PIP4K2B: variants seen among roughly 807,000 people sequenced by gnomAD.
The protein encoded by PIP4K2B is phosphatidylinositol-5-phosphate 4-kinase type 2 beta, also known as phosphatidylinositol 5-phosphate 4-kinase type-2 beta.
PIP4K2B carries 3 observed loss-of-function variants against 42.0 expected under a neutral mutation model. That is an observed-to-expected ratio of 0.07 (90% CI 0.03 to 0.18). PIP4K2B has a LOEUF of 0.18. Among genes scored for constraint, PIP4K2B ranks in the 10% least tolerant of loss-of-function variants. The pLI is 1.00. For missense variants in PIP4K2B, 332 were observed against 562.3 expected, an observed-to-expected ratio of 0.59 and a Z score of 4.14; for synonymous variants, 204 against 210.1, an observed-to-expected ratio of 0.97 and a Z score of 0.25.
chr17:38,788,181 T>A (rs745599082), intron 1 of PIP4K2B, among the ~76,000 whole-genome samples: 2 of 35,022 alleles, frequency 5.7e-5, no homozygotes, highest in East Asian at 3.6e-4. Context: ...AGATTAAATT[T>A]ATTTATTTAT....
chr17:38,776,459 T>C (rs924958335), intron 7 of PIP4K2B: 1 of 297,540 alleles, frequency 3.4e-6, no homozygotes, highest in Non-Finnish European at 6.7e-6. Context: ...TGAATATACT[T>C]AATGCCACTC....
chr17:38,797,836 G>C (rs1390505585), intron 1 of PIP4K2B, among the ~76,000 whole-genome samples: 1 of 152,178 alleles, frequency 6.6e-6, no homozygotes, highest in African/African-American at 2.4e-5. Flanking sequence ...ACAGCAGGAA[G>C]ACCGAGTAAC....
At chr17:38,783,054 G>A (rs1909795988) in intron 3 of PIP4K2B, among the ~76,000 whole-genome samples, 1 of 151,812 alleles carries the variant, frequency 6.6e-6, no homozygotes, top group Non-Finnish European at 1.5e-5. Context: ...AATTAGCCGG[G>A]TGTGGTGGTG....
At position 38,767,836 on chromosome 17, in the gene PIP4K2B, T is replaced by C. The variant is rs186145851; in HGVS notation, c.*1855A>G. 4.6e-5 allele frequency: 7 copies of C among 152,354 alleles called. No individual in the cohort carries two copies. In the East Asian group the frequency reaches 5.8e-4, roughly 13 times the overall value. 9.4% of individuals were successfully genotyped at this position (152,354 alleles called of 1,614,324 possible). On this transcript the variant is annotated 3_prime_UTR_variant, in exon 10 of 10. Coordinates refer to ENST00000619039, the MANE Select transcript of PIP4K2B (RefSeq NM_003559.5). ...CAAATTTGTTTTCTCCATGAGCCAG[T>C]TGGTTTCAAGTTCCCTAAGTCATGT...
Position 38,769,711 on chromosome 17 carries a change from T to C in PIP4K2B, c.1231A>G (p.Met411Val). The part of the protein sequence containing the change: ...EQYSKRFNEF[M>V]SNILT ...GAGAACTACGTCAGGATGTTGGACA[T>C]AAACTCGTTGAAGCGTTTGGAGTAC... The change falls in exon 10 of 10, where the codon ATG becomes GTG. Residue 411 changes from methionine (M) to valine (V), a missense_variant. Met to Val is a conservative substitution (Grantham distance 21). This residue lies in a region of PIP4K2B where 26 missense variants were observed against 76.4 expected (regional missense o/e 0.34). Coordinates refer to ENST00000619039, the MANE Select transcript of PIP4K2B (RefSeq NM_003559.5). 1 of 1,598,814 alleles carries C rather than the reference T, an allele frequency of 6.3e-7. No homozygotes were observed. The highest frequency in any genetic ancestry group is 8.6e-7 in the Non-Finnish European group (1 of 1,166,058).
chr17:38,783,237 A>G (rs1567658440), intron 3 of PIP4K2B, among the ~76,000 whole-genome samples: 1 of 150,698 alleles, frequency 6.6e-6, no homozygotes, highest in Admixed American at 6.6e-5. Context: ...TATTTCTTAC[A>G]GCTGTAAAGG....
chr17:38,777,708 C>G lies in PIP4K2B; in HGVS notation c.786G>C (p.Glu262Asp), dbSNP rs781068818. The change falls in exon 7 of 10, where the codon GAG (glutamate) becomes GAC (aspartate). Residue 262 changes from glutamate to aspartate, a missense_variant. Coordinates refer to ENST00000619039, the MANE Select transcript of PIP4K2B (RefSeq NM_003559.5). ...VGEESKKNFLEKLKRDVEFLA... is the reference protein window; with the variant it reads ...VGEESKKNFLDKLKRDVEFLA... ...GTACCTCAACGTCCCGCTTCAGTTT[C>G]TCCAGGAAGTTCTTTTTACTCTCCT... The G allele has an allele frequency of 6.2e-7, 1 of 1,613,174 alleles. No homozygotes were observed. The highest frequency in any genetic ancestry group is 8.5e-7 in the Non-Finnish European group (1 of 1,179,078).
At chr17:38,781,463 C>G (rs1158123135) in intron 3 of PIP4K2B, among the ~76,000 whole-genome samples, 1 of 152,142 alleles carries the variant, frequency 6.6e-6, no homozygotes, top group Non-Finnish European at 1.5e-5. Flanking sequence ...ACATGGGGAT[C>G]ATGTCACAGA....
chr17:38,787,052 T>C (rs1910063025), intron 1 of PIP4K2B, 132 bp from the exon 2 acceptor site: 1 of 714,206 alleles, frequency 1.4e-6, no homozygotes, highest in East Asian at 2.5e-5. Context: ...TTTTGTTTTT[T>C]TGAGACAGGG....
At position 38,791,715 on chromosome 17, in the gene PIP4K2B, C is replaced by G. The variant is rs572656635; in HGVS notation, c.160-4795G>C. 4.7e-5 allele frequency among the ~76,000 whole-genome samples: 7 copies of G among 150,134 alleles called. No individual in the cohort carries two copies. The South Asian group carries it at 1.5e-3, about 32-fold the overall frequency. On this transcript the variant is annotated intron_variant, in intron 1 of 9. Transcript: ENST00000619039. ...TGAGCCACCGCGCCCAGCCAGACTG[C>G]CAAATTTCTATTCAATTTACTTCTA...
chr17:38,792,266 A>C (rs1910383907), intron 1 of PIP4K2B, among the ~76,000 whole-genome samples: 1 of 152,006 alleles, frequency 6.6e-6, no homozygotes, highest in Non-Finnish European at 1.5e-5. Context: ...CTCCCATCTC[A>C]GCCTCCCTAG....
rs771018945 is a variant in PIP4K2B, at chr17:38,780,530, G to A, written c.429C>T (p.Tyr143=). ...GRCGTRFLTT[Y]DRRFVIKTVS... The stretch of plus-strand genomic sequence containing the variant: ...CAGTCTTGATGACAAAGCGCCGGTC[G>A]TAGGTGGTGAGGAAACGCGTGCCAC... The change falls in exon 4 of 10, where the codon TAC becomes TAT. Residue 143 remains tyrosine, a synonymous_variant. Coordinates refer to ENST00000619039, the MANE Select transcript of PIP4K2B (RefSeq NM_003559.5). The A allele has an allele frequency of 3.8e-5, 61 of 1,614,052 alleles. No individual in the cohort carries two copies. The highest frequency in any genetic ancestry group is 2.9e-4 in the African/African-American group (22 of 75,060).
intron 7 of PIP4K2B, among the ~76,000 whole-genome samples, chr17:38,774,707 T>C (rs928837769): frequency 6.6e-6 from 1 of 151,506 alleles, no homozygotes; most frequent in Non-Finnish European, 1.5e-5. Flanking sequence ...GAGGCGGAGC[T>C]TGCAGTGAGC....
chr17:38,770,710 T>C (rs1908972198), intron 8 of PIP4K2B, among the ~76,000 whole-genome samples, 171 bp from the exon 9 acceptor site: 2 of 152,244 alleles, frequency 1.3e-5, no homozygotes, highest in African/African-American at 4.8e-5. Flanking sequence ...CTTATCTTAT[T>C]GGATCTTCAC....
intron 7 of PIP4K2B, among the ~76,000 whole-genome samples, chr17:38,773,639 A>G (rs892791592): frequency 6.6e-6 from 1 of 152,168 alleles, no homozygotes; most frequent in East Asian, 1.9e-4. Context: ...GAGAACTAGG[A>G]GGAGAATCAT....
chr17:38,792,888 A>C (rs1335407799), intron 1 of PIP4K2B: 2 of 152,150 alleles, frequency 1.3e-5, no homozygotes, highest in Non-Finnish European at 2.9e-5. Flanking sequence ...AAGGCCTGCT[A>C]AAAGAAACTT....
chr17:38,778,268 G>A, intron 6 of PIP4K2B, 66 bp downstream of exon 6: 1 of 1,472,810 alleles, frequency 6.8e-7, no homozygotes, highest in Admixed American at 1.7e-5. Context: ...GCGAGGGACA[G>A]GATGGCCGAC....
At chr17:38,796,269 T>C (rs1387544001) in intron 1 of PIP4K2B, among the ~76,000 whole-genome samples, 1 of 152,200 alleles carries the variant, frequency 6.6e-6, no homozygotes, top group Non-Finnish European at 1.5e-5. Flanking sequence ...ACACTGCTGG[T>C]AGACATGTAA....
intron 3 of PIP4K2B, among the ~76,000 whole-genome samples, chr17:38,783,607 T>C (rs1169919062): frequency 4.2e-5 from 4 of 95,220 alleles, no homozygotes; most frequent in Non-Finnish European, 9.6e-5. Context: ...CTCTCTCTCT[T>C]TTTTTTTTTT....
Sources: allele counts gnomAD v4.1 joint callset (sites outside exome capture counted in the v4.1 genomes callset), GRCh38; gene constraint gnomAD v4.1.1; regional missense constraint gnomAD v4.1.1; transcripts MANE v1.5; gene names NCBI Gene and HGNC (gene_info 2026-07-23, HGNC 2026-07-21).